Variants in LRRC49 observed in about 807,000 individuals in gnomAD.
LRRC49 encodes leucine rich repeat containing 49, also known as leucine-rich repeat-containing protein 49.
Under a neutral mutation model 83.3 loss-of-function variants are expected in LRRC49, and 50 were observed. The observed-to-expected ratio is 0.60, with a 90% CI of 0.48 to 0.76. LRRC49 has a LOEUF of 0.76. Among genes scored for constraint, LRRC49 ranks in the 30% least tolerant of loss-of-function variants. The pLI, the probability that LRRC49 is intolerant of heterozygous loss-of-function variation, is 0.00. For missense variants in LRRC49, 704 were observed against 809.1 expected, an observed-to-expected ratio of 0.87 and a Z score of 1.58; for synonymous variants, 286 against 283.3, an observed-to-expected ratio of 1.01 and a Z score of -0.10.
chr15:70,876,426 A>G (rs1004412468), intron 2 of LRRC49, among the ~76,000 whole-genome samples: 2 of 152,158 alleles, frequency 1.3e-5, no homozygotes, highest in African/African-American at 4.8e-5. Context: ...AACAGTCACA[A>G]CACAAGGTGA....
intron 15 of LRRC49, among the ~76,000 whole-genome samples, chr15:71,048,358 G>T (rs760726641): frequency 6.6e-6 from 1 of 152,096 alleles, no homozygotes; most frequent in Non-Finnish European, 1.5e-5. Context: ...GCCTCCCAAA[G>T]TGCTGGGATT....
chr15:70,894,409 T>G (rs1312121966), intron 2 of LRRC49, among the ~76,000 whole-genome samples: 2 of 152,226 alleles, frequency 1.3e-5, no homozygotes, highest in South Asian at 2.1e-4. Flanking sequence ...TGGACACATG[T>G]TAGACTTAAC....
intron 14 of LRRC49, among the ~76,000 whole-genome samples, chr15:71,029,507 G>C (rs1245074668): frequency 6.6e-6 from 1 of 152,096 alleles, no homozygotes; most frequent in African/African-American, 2.4e-5. Context: ...TTGATTTGGG[G>C]TGGAGAGTTC....
Position 71,049,815 on chromosome 15 carries a change from A to G in LRRC49, c.*203A>G. ...GAGAAAGGAAGGATTAATTGCCTGT[A>G]TGTGAGGACCAAACAACCTTTGGGA... is the stretch of plus-strand genomic sequence containing the variant. On this transcript the variant is annotated 3_prime_UTR_variant, in exon 16 of 16. Coordinates refer to ENST00000260382, the MANE Select transcript of LRRC49 (RefSeq NM_017691.5). The G allele has an allele frequency of 2.0e-6, 1 of 507,968 alleles. No individual in the cohort carries two copies. Among genetic ancestry groups the G allele is most frequent in the African/African-American group, 1.9e-5 (1 of 51,292 alleles). 31.5% of individuals were successfully genotyped at this position (507,968 alleles called of 1,614,324 possible).
At chr15:70,915,665 T>G (rs1478361147) in intron 6 of LRRC49, among the ~76,000 whole-genome samples, 2 of 152,216 alleles carry the variant, frequency 1.3e-5, no homozygotes, top group Non-Finnish European at 2.9e-5. Flanking sequence ...TTTACTGGCT[T>G]CTTGCATTTT....
Position 70,893,609 on chromosome 15 carries a change from T to A in LRRC49, c.74T>A (p.Ile25Asn), listed in dbSNP as rs1415210880. Residue 25 changes from isoleucine to asparagine, a missense_variant, in exon 2 of 16, where the codon ATT (isoleucine) becomes AAT (asparagine). Ile to Asn is a moderately radical substitution (Grantham distance 149). Coordinates refer to ENST00000260382, the MANE Select transcript of LRRC49 (RefSeq NM_017691.5). ...NNVNCGLHLV[I>N]QTSSLPEKNK... is the part of the protein sequence containing the mutation. ...GTGAACTGCGGGCTTCATCTGGTTA[T>A]TCAAACATCATCGCTTCCTGAAAAA... 1 of 1,611,732 alleles carries A rather than the reference T, an allele frequency of 6.2e-7. No homozygotes were observed.
upstream of LRRC49, chr15:70,892,814 C>T (rs2033639109): frequency 1.2e-6 from 2 of 1,613,544 alleles, no homozygotes; most frequent in African/African-American, 2.7e-5. Context: ...TGGGAGATGA[C>T]CTCTTTCGGG....
At chr15:70,870,291 CTT>C (rs975484930) in intron 1 of LRRC49, among the ~76,000 whole-genome samples, 14 of 152,240 alleles carry the variant, frequency 9.2e-5, no homozygotes, top group African/African-American at 3.1e-4. Context: ...GCAGCCCACA[CTT>C]TGTCATAAAA....
rs559607769 is a variant in LRRC49 at position 71,022,570 on chromosome 15, A to C, written c.1703+9657A>C. On this transcript the variant is annotated intron_variant, in intron 14 of 15. Coordinates refer to ENST00000260382, the MANE Select transcript of LRRC49 (RefSeq NM_017691.5). ...AGCTATTGAGGACTCAATAGACTTG[A>C]AAGTTGAAAGTAATACTAGAAATAA... 9.2e-5 allele frequency among the ~76,000 whole-genome samples: 14 copies of C among 152,322 alleles called. No individual in the cohort carries two copies. In the East Asian group the frequency reaches 1.9e-3, roughly 21 times the overall value.
chr15:71,017,306 A>G (rs2038858047), intron 14 of LRRC49, among the ~76,000 whole-genome samples: 1 of 152,194 alleles, frequency 6.6e-6, no homozygotes, highest in Admixed American at 6.5e-5. Context: ...TACATTTTAT[A>G]TCTTAGAAAG....
At chr15:70,966,910 A>T (rs747811876) in intron 9 of LRRC49, among the ~76,000 whole-genome samples, 5 of 152,262 alleles carry the variant, frequency 3.3e-5, no homozygotes, top group Non-Finnish European at 4.4e-5. Context: ...GCAAAATGAC[A>T]ATCTAGAGAG....
At chr15:71,037,088 T>C (rs2039543130) in intron 14 of LRRC49, 91 bp from the exon 15 acceptor site, 1 of 858,232 alleles carries the variant, frequency 1.2e-6, no homozygotes, top group Admixed American at 2.5e-5. Context: ...TTCAAAAAAG[T>C]ATATGTTCTC....
chr15:70,896,346 AT>A (rs1192086883), intron 3 of LRRC49, among the ~76,000 whole-genome samples: 3 of 152,178 alleles, frequency 2.0e-5, no homozygotes, highest in Non-Finnish European at 4.4e-5. Flanking sequence ...TAGATTTTAT[AT>A]TAAAGGCTTT....
chr15:70,984,520 T>G lies in LRRC49; in HGVS notation c.1169+263T>G, dbSNP rs543976848. 5 of 248,422 alleles carry G rather than the reference T, an allele frequency of 2.0e-5. 1 individual carries two copies. The South Asian group carries it at 5.8e-4, about 29-fold the overall frequency. The allele number at this position is 248,422 out of a possible 1,614,324, so 15.4% of individuals were successfully genotyped here. On this transcript the variant is annotated intron_variant, in intron 11 of 15. Transcript: ENST00000260382. ...ATAGTCTATGATGTCTTTTGCCCAC[T>G]TCATCTCTTTTATCTCATGCCATCA... is the stretch of plus-strand genomic sequence containing the variant.
At chr15:70,873,047 G>C in exon 2 of LRRC49, 1 of 637,986 alleles carries the variant, frequency 1.6e-6, no homozygotes, top group Non-Finnish European at 2.8e-6. Context: ...ACCATGCCCA[G>C]CTCATTTTTG....
chr15:70,873,395 C>CT (rs1290449613), intron 2 of LRRC49, among the ~76,000 whole-genome samples: 1 of 152,136 alleles, frequency 6.6e-6, no homozygotes, highest in African/African-American at 2.4e-5. Flanking sequence ...TTGCCTTTTC[C>CT]TTAGGGAGTC....
chr15:70,860,176 C>A lies in LRRC49; in HGVS notation c.-299+6707C>A, dbSNP rs1036414727. 5 of 668,718 alleles carry A rather than the reference C, an allele frequency of 7.5e-6. No homozygotes were observed. The Admixed American group carries it at 8.8e-5, about 12-fold the overall frequency. The allele number at this position is 668,718 out of a possible 1,614,324, so 41.4% of individuals were successfully genotyped here. Reference sequence around the variant, plus strand: ...CTGCCTAAGTGAACAGACGCGGCAGCCCCTCCCATCCTACCCCTCCTGCGG... The same window carrying A: ...CTGCCTAAGTGAACAGACGCGGCAGACCCTCCCATCCTACCCCTCCTGCGG... On this transcript the variant is annotated intron_variant, in intron 1 of 16. Coordinates refer to the LRRC49 transcript ENST00000544974.
chr15:70,956,341 T>C (rs1398385744), intron 8 of LRRC49, among the ~76,000 whole-genome samples: 3 of 152,164 alleles, frequency 2.0e-5, no homozygotes, highest in Non-Finnish European at 4.4e-5. Context: ...GAAGCAGATG[T>C]GGCAATGTGA....
chr15:70,911,670 A>C lies in LRRC49; in HGVS notation c.567+72A>C, dbSNP rs2034558531. The C allele has an allele frequency of 4.5e-6, 4 of 884,122 alleles. No individual in the cohort carries two copies. In the South Asian group the frequency reaches 6.6e-5, roughly 15 times the overall value. 54.8% of individuals were successfully genotyped at this position (884,122 alleles called of 1,614,324 possible). On this transcript the variant is annotated intron_variant, in intron 6 of 15. Coordinates refer to ENST00000260382, the MANE Select transcript of LRRC49 (RefSeq NM_017691.5). ...GGAAAATGGTATAAAAGTTTTAAGA[A>C]TCATACTCGCATTGAATTTTTCAAG... is the stretch of plus-strand genomic sequence containing the variant.
Sources: allele counts gnomAD v4.1 joint callset (sites outside exome capture counted in the v4.1 genomes callset), GRCh38; gene constraint gnomAD v4.1.1; transcripts MANE v1.5; gene names NCBI Gene and HGNC (gene_info 2026-07-23, HGNC 2026-07-21).